Variants in GRM7 observed in about 807,000 individuals in gnomAD.
The protein encoded by GRM7 is glutamate metabotropic receptor 7.
A neutral mutation model predicts 84.5 loss-of-function variants in GRM7; 35 were observed. The ratio of observed to expected loss-of-function variants is 0.41; its 90% CI spans 0.32 to 0.55. The LOEUF is 0.55. Ranked by LOEUF, GRM7 falls within the 20% of genes least tolerant of loss-of-function variation. The probability of loss-of-function intolerance (pLI) is 0.19; values close to 1 mark genes in which losing one functional copy is unlikely to be tolerated. For synonymous variants in GRM7, 487 were observed against 455.1 expected, an observed-to-expected ratio of 1.07 and a Z score of -0.89; for missense variants, 1,003 against 1,194.6, an observed-to-expected ratio of 0.84 and a Z score of 2.36.
At chr3:7,311,404 A>G (rs1336617694) in intron 4 of GRM7, among the ~76,000 whole-genome samples, 1 of 152,140 alleles carries the variant, frequency 6.6e-6, no homozygotes, top group Non-Finnish European at 1.5e-5. Context: ...ATACATAAGA[A>G]AGGATCTCAG....
intron 1 of GRM7, among the ~76,000 whole-genome samples, chr3:7,036,777 A>C (rs1402101360): frequency 8.9e-6 from 1 of 112,750 alleles, no homozygotes; most frequent in African/African-American, 3.5e-5. Context: ...AAAATTAGCA[A>C]GGTCTTTCTT....
At chr3:7,491,629 C>T (rs142278542) in intron 7 of GRM7, among the ~76,000 whole-genome samples, 1 of 152,308 alleles carries the variant, frequency 6.6e-6, no homozygotes, top group Non-Finnish European at 1.5e-5. Flanking sequence ...AGCTTTTAAA[C>T]TTACCAGATG....
chr3:6,987,951 C>T (rs1694481789), intron 1 of GRM7, among the ~76,000 whole-genome samples: 1 of 151,294 alleles, frequency 6.6e-6, no homozygotes, highest in Non-Finnish European at 1.5e-5. Flanking sequence ...ATGAACTGTC[C>T]CTGAGAATCA....
At chr3:7,313,572 C>A (rs1427112372) in intron 4 of GRM7, among the ~76,000 whole-genome samples, 2 of 152,022 alleles carry the variant, frequency 1.3e-5, no homozygotes, top group Non-Finnish European at 2.9e-5. Flanking sequence ...TGGACTCTTA[C>A]AAAATATCTG....
intron 2 of GRM7, among the ~76,000 whole-genome samples, chr3:7,203,224 C>T (rs1011911042): frequency 2.0e-5 from 3 of 152,198 alleles, no homozygotes; most frequent in Non-Finnish European, 2.9e-5. Context: ...TCTACACACC[C>T]TTCCTAGCCT....
intron 1 of GRM7, among the ~76,000 whole-genome samples, chr3:7,088,606 C>G (rs1266135533): frequency 6.7e-6 from 1 of 148,606 alleles, no homozygotes; most frequent in Non-Finnish European, 1.5e-5. Flanking sequence ...TAAAAACAAA[C>G]ATGGATCGTT....
chr3:6,993,226 G>C (rs983280949), intron 1 of GRM7, among the ~76,000 whole-genome samples: 5 of 152,178 alleles, frequency 3.3e-5, no homozygotes, highest in African/African-American at 7.2e-5. Flanking sequence ...CGGCCCTCAT[G>C]ATTCAATTAC....
intron 2 of GRM7, among the ~76,000 whole-genome samples, chr3:7,161,313 T>C (rs1694617162): frequency 1.3e-5 from 2 of 152,066 alleles, no homozygotes; most frequent in South Asian, 4.2e-4. Context: ...TCCTTAGATA[T>C]TGGGGTTTTC....
At chr3:7,306,940 A>T (rs1700214955) in intron 4 of GRM7, among the ~76,000 whole-genome samples, 1 of 152,214 alleles carries the variant, frequency 6.6e-6, no homozygotes, top group South Asian at 2.1e-4. Flanking sequence ...ATTATCATTA[A>T]TAAGTAAAGT....
chr3:7,024,599 A>C (rs955556219), intron 1 of GRM7, among the ~76,000 whole-genome samples: 1 of 152,230 alleles, frequency 6.6e-6, no homozygotes, highest in South Asian at 2.1e-4. Flanking sequence ...TGCAGCAGGC[A>C]TGGAGATGCC....
At chr3:6,927,471 A>G (rs1031547770) in intron 1 of GRM7, among the ~76,000 whole-genome samples, 65 of 60,092 alleles carry the variant, frequency 1.1e-3, no homozygotes, top group Middle Eastern at 9.8e-3. Context: ...GAGAGAAAGA[A>G]AGAAAGAAAG....
At chr3:7,155,065 T>G (rs543891678) in intron 2 of GRM7, among the ~76,000 whole-genome samples, 1 of 152,264 alleles carries the variant, frequency 6.6e-6, no homozygotes, top group African/African-American at 2.4e-5. Context: ...GCTAAAAATT[T>G]CAGAGTAGTA....
At chr3:7,295,598 C>T (rs1446725489) in intron 2 of GRM7, among the ~76,000 whole-genome samples, 4 of 152,162 alleles carry the variant, frequency 2.6e-5, no homozygotes, top group African/African-American at 7.2e-5. Flanking sequence ...AATTTACTTA[C>T]ACGTTTAAAA....
intron 4 of GRM7, among the ~76,000 whole-genome samples, chr3:7,407,170 T>G (rs1695716916): frequency 6.6e-6 from 1 of 152,184 alleles, no homozygotes; most frequent in African/African-American, 2.4e-5. Flanking sequence ...CAAGTTGGCA[T>G]TGCCATGAGG....
chr3:6,889,463 G>A (rs1695843392), intron 1 of GRM7, among the ~76,000 whole-genome samples: 1 of 151,464 alleles, frequency 6.6e-6, no homozygotes, highest in South Asian at 2.1e-4. Context: ...TTTTGTCAAA[G>A]GCCTTTTCTG....
intron 8 of GRM7, among the ~76,000 whole-genome samples, chr3:7,623,310 G>A (rs1697448620): frequency 1.3e-5 from 2 of 152,130 alleles, no homozygotes; most frequent in Admixed American, 1.3e-4. Flanking sequence ...GAGACTGCTG[G>A]TCCTCATAAG....
At chr3:7,519,004 C>T (rs1261237258) in intron 7 of GRM7, among the ~76,000 whole-genome samples, 1 of 152,088 alleles carries the variant, frequency 6.6e-6, no homozygotes, top group Admixed American at 6.5e-5. Flanking sequence ...TTCACAAGAA[C>T]TGTGACAATG....
intron 2 of GRM7, among the ~76,000 whole-genome samples, chr3:7,182,998 G>A (rs1218960444): frequency 6.7e-6 from 1 of 149,890 alleles, no homozygotes; most frequent in Non-Finnish European, 1.5e-5. Context: ...AGCATGGTGA[G>A]TACAGATAGA....
intron 4 of GRM7, among the ~76,000 whole-genome samples, chr3:7,357,000 A>C (rs1393727441): frequency 1.3e-5 from 2 of 149,724 alleles, no homozygotes; most frequent in African/African-American, 4.9e-5. Flanking sequence ...GACATATTTT[A>C]TATATCATAT....
Sources: allele counts gnomAD v4.1 joint callset (sites outside exome capture counted in the v4.1 genomes callset), GRCh38; gene constraint gnomAD v4.1.1; transcripts MANE v1.5; gene names NCBI Gene and HGNC (gene_info 2026-07-23, HGNC 2026-07-21).